FER: variants seen among roughly 807,000 people sequenced by gnomAD.
The protein encoded by FER is tyrosine-protein kinase Fer.
A neutral mutation model predicts 111.0 loss-of-function variants in FER; 63 were observed. That is an observed-to-expected ratio of 0.57 (90% CI 0.46 to 0.70). The LOEUF (loss-of-function observed/expected upper bound fraction) is 0.70. Ranked by LOEUF, FER falls within the 30% of genes least tolerant of loss-of-function variation. The probability of loss-of-function intolerance (pLI) is 0.00; values close to 1 mark genes in which losing one functional copy is unlikely to be tolerated. For missense variants in FER, 914 were observed against 954.0 expected (o/e 0.96, Z 0.55); for synonymous variants, 327 against 313.9 (o/e 1.04, Z -0.44).
chr5:108,922,182 C>G (rs1397307837), intron 10 of FER, among the ~76,000 whole-genome samples: 1 of 152,160 alleles, frequency 6.6e-6, no homozygotes, highest in African/African-American at 2.4e-5. Context: ...GGAGCATGGC[C>G]TTGGCTAACA....
intron 13 of FER, among the ~76,000 whole-genome samples, chr5:109,009,730 G>A (rs1315405788): frequency 1.3e-5 from 2 of 152,118 alleles, no homozygotes; most frequent in African/African-American, 2.4e-5. Flanking sequence ...ATGATTCTTT[G>A]GGTTGACTGG....
chr5:109,104,328 T>G (rs1006032822), intron 17 of FER, among the ~76,000 whole-genome samples: 1 of 152,206 alleles, frequency 6.6e-6, no homozygotes, highest in African/African-American at 2.4e-5. Flanking sequence ...GCTACCAAAA[T>G]GAAGATTATA....
chr5:109,004,676 A>T (rs978434777), intron 13 of FER, among the ~76,000 whole-genome samples: 4 of 152,200 alleles, frequency 2.6e-5, no homozygotes, highest in African/African-American at 9.6e-5. Flanking sequence ...AATTTACATT[A>T]CAGAGCATTA....
Position 108,897,910 on chromosome 5 carries a change from A to G in FER, c.1236+62A>G, listed in dbSNP as rs1749390641. ...AGTAGTGTCTAGGTAATAAGTGCATACAAAAATTATTTAAATTTGCTATAA... is the reference window on the plus strand; with the variant it reads ...AGTAGTGTCTAGGTAATAAGTGCATGCAAAAATTATTTAAATTTGCTATAA... On this transcript the variant is annotated intron_variant, in intron 10 of 19. Transcript: ENST00000281092. 3 of 1,358,080 alleles carry G rather than the reference A, an allele frequency of 2.2e-6. No individual in the cohort carries two copies. The East Asian group carries it at 7.5e-5, about 34-fold the overall frequency. The allele number at this position is 1,358,080 out of a possible 1,614,324, so 84.1% of individuals were successfully genotyped here. A position where few individuals can be genotyped will look rare whatever the true frequency, so the allele number is the denominator to read the frequency against.
intron 5 of FER, among the ~76,000 whole-genome samples, chr5:108,848,487 T>G (rs1031687918): frequency 2.6e-5 from 4 of 152,154 alleles, no homozygotes; most frequent in Non-Finnish European, 4.4e-5. Flanking sequence ...CTCTAATGTT[T>G]TATTTTATTT....
chr5:109,146,288 A>ATATATATATATG (rs1554148405), intron 17 of FER, among the ~76,000 whole-genome samples: 1 of 115,436 alleles, frequency 8.7e-6, no homozygotes, highest in Non-Finnish European at 1.8e-5. Context: ...ATATATATAT[A>ATATATATATATG]TATCTTGGGT....
chr5:109,175,383 A>T (rs1041281480), intron 17 of FER, among the ~76,000 whole-genome samples: 1 of 152,234 alleles, frequency 6.6e-6, no homozygotes, highest in African/African-American at 2.4e-5. Flanking sequence ...AAGAGTAAGT[A>T]AATTTCCAAA....
intron 17 of FER, among the ~76,000 whole-genome samples, chr5:109,161,815 T>C (rs1459389837): frequency 6.6e-6 from 1 of 152,158 alleles, no homozygotes; most frequent in Non-Finnish European, 1.5e-5. Flanking sequence ...TAATGGTAGC[T>C]CTGTTTCTAG....
At chr5:109,008,404 G>T (rs1765768781) in intron 13 of FER, among the ~76,000 whole-genome samples, 2 of 151,864 alleles carry the variant, frequency 1.3e-5, no homozygotes, top group African/African-American at 4.8e-5. Context: ...TTCAGTATTA[G>T]TCAGGGACTT....
intron 10 of FER, among the ~76,000 whole-genome samples, chr5:108,922,784 C>T (rs1236325620): frequency 2.0e-5 from 3 of 152,070 alleles, no homozygotes; most frequent in Non-Finnish European, 4.4e-5. Flanking sequence ...GCATTGTTTA[C>T]TGAATATATC....
chr5:109,053,851 C>T (rs986723771), intron 16 of FER, among the ~76,000 whole-genome samples: 5 of 151,854 alleles, frequency 3.3e-5, no homozygotes, highest in East Asian at 1.9e-4. Flanking sequence ...TTACCATGCC[C>T]GGCTAATTTT....
At chr5:108,992,655 A>C (rs187841167) in intron 13 of FER, among the ~76,000 whole-genome samples, 6,996 of 143,418 alleles carry the variant, frequency 0.049, 257 homozygotes, top group South Asian at 0.12. Context: ...TCCCTCCCGG[A>C]CGGGGCGGCT....
chr5:109,125,095 T>C (rs1182142516), intron 17 of FER, among the ~76,000 whole-genome samples: 1 of 150,498 alleles, frequency 6.6e-6, no homozygotes, highest in Non-Finnish European at 1.5e-5. Flanking sequence ...TGCTAATCAG[T>C]AGGAAAAGTC....
chr5:108,753,334 CAAAT>C (rs1750708834), intron 1 of FER, among the ~76,000 whole-genome samples: 1 of 151,988 alleles, frequency 6.6e-6, no homozygotes, highest in African/African-American at 2.4e-5. Flanking sequence ...TGCATTTATA[CAAAT>C]AAATAGTTAG....
At chr5:108,844,004 A>G (rs918992368) in intron 5 of FER, among the ~76,000 whole-genome samples, 12 of 127,068 alleles carry the variant, frequency 9.4e-5, no homozygotes, top group African/African-American at 3.7e-4. Flanking sequence ...CTTTCTATGT[A>G]TATATATATG....
intron 17 of FER, among the ~76,000 whole-genome samples, chr5:109,104,152 AAC>A (rs1285247597): frequency 6.6e-6 from 1 of 152,200 alleles, no homozygotes; most frequent in African/African-American, 2.4e-5. Context: ...TGGTTGCTCT[AAC>A]ACAGTGATTT....
intron 13 of FER, among the ~76,000 whole-genome samples, chr5:109,008,826 C>T (rs1376152283): frequency 1.3e-5 from 2 of 151,874 alleles, no homozygotes; most frequent in African/African-American, 2.4e-5. Context: ...CAAAATTAAC[C>T]AGGCATGGTG....
At position 108,995,019 on chromosome 5, in the gene FER, A is replaced by G. The variant is rs114291866; in HGVS notation, c.1656+35672A>G. 7.6e-3 allele frequency among the ~76,000 whole-genome samples: 1,164 copies of G among 152,192 alleles called. 18 individuals carry two copies. Among genetic ancestry groups the G allele is most frequent in the African/African-American group, 0.027 (1,117 of 41,524 alleles). ...CTTAAGGAGATTTGGGGCTGAGACT[A>G]TTGGGTTTTCTAGATGTAGGATCTC... On this transcript the variant is annotated intron_variant, in intron 13 of 19. Transcript: ENST00000281092.
chr5:109,064,960 A>G (rs1345825218), intron 16 of FER, among the ~76,000 whole-genome samples: 1 of 152,198 alleles, frequency 6.6e-6, no homozygotes, highest in Non-Finnish European at 1.5e-5. Context: ...AGTTTAATGT[A>G]ATATTTTAAA....
Sources: gnomAD v4.1 joint callset for allele counts (sites outside exome capture counted in the v4.1 genomes callset) on GRCh38, gnomAD v4.1.1 for gene constraint, MANE v1.5 for transcripts, NCBI Gene and HGNC (gene_info 2026-07-23, HGNC 2026-07-21) for gene names.